Variants in LAMA1 observed in about 807,000 individuals in gnomAD.
LAMA1 encodes laminin subunit alpha 1.
LAMA1 carries 219 observed loss-of-function variants against 348.7 expected under a neutral mutation model. That is an observed-to-expected ratio of 0.63 (90% CI 0.56 to 0.70). The LOEUF (loss-of-function observed/expected upper bound fraction) is 0.70. LAMA1 is among the 30% of genes least tolerant of loss of function. The pLI, the probability that LAMA1 is intolerant of heterozygous loss-of-function variation, is 0.00. For missense variants in LAMA1, 3,744 were observed against 3,888.0 expected (o/e 0.96, Z 0.99); for synonymous variants, 1,487 against 1,491.0 (o/e 1.00, Z 0.06).
At chr18:7,003,560 A>G (rs1057015241) in intron 29 of LAMA1, among the ~76,000 whole-genome samples, 9 of 152,278 alleles carry the variant, frequency 5.9e-5, no homozygotes, top group African/African-American at 1.9e-4. Context: ...GCCCGGCCAA[A>G]AAGGTACACA....
chr18:7,113,823 T>C (rs2058344918), intron 1 of LAMA1, among the ~76,000 whole-genome samples: 1 of 152,094 alleles, frequency 6.6e-6, no homozygotes, highest in Admixed American at 6.5e-5. Flanking sequence ...ACTCCTGTAA[T>C]ACCAACACTT....
In LAMA1 at chr18:7,015,852, T is replaced by A. The variant is rs1431377585; in HGVS notation, c.2996A>T (p.Asp999Val). Residue 999 changes from aspartate to valine, a missense_variant, in exon 22 of 63, where the codon GAC becomes GTC. Coordinates refer to ENST00000389658, the MANE Select transcript of LAMA1 (RefSeq NM_005559.4). ...GCAGGTATTCTGAGTGTGTGGGCAGTCACAGGCTGAAATAAAGATGAATGC... is the reference window on the plus strand; with the variant it reads ...GCAGGTATTCTGAGTGTGTGGGCAGACACAGGCTGAAATAAAGATGAATGC... ...AYQDGSCTPC[D>V]CPHTQNTCDP... 1.9e-6 allele frequency: 3 copies of A among 1,614,006 alleles called. No individual in the cohort carries two copies. The highest frequency in any genetic ancestry group is 1.3e-5 in the African/African-American group (1 of 74,908).
Position 7,043,349 on chromosome 18 carries a change from G to A in LAMA1, c.1033C>T (p.Gln345Ter). Residue 345 changes from glutamine (Q) to a stop codon, truncating the protein, a stop_gained, in exon 8 of 63, where the codon CAG becomes TAG. Transcript: ENST00000389658. LOFTEE classifies it high-confidence loss of function. ...DCYYDESVAK[Q>*]KKSLNTAGQF... is the part of the protein sequence containing the mutation. ...CCAGCAGTATTCAAACTTTTCTTCTGCTTTGCAACACTTTCATCATAGTAA... is the reference window on the plus strand; with the variant it reads ...CCAGCAGTATTCAAACTTTTCTTCTACTTTGCAACACTTTCATCATAGTAA... The A allele has an allele frequency of 6.2e-7, 1 of 1,613,964 alleles. No homozygotes were observed. The highest frequency in any genetic ancestry group is 8.5e-7 in the Non-Finnish European group (1 of 1,180,002).
At position 7,074,223 on chromosome 18, in the gene LAMA1, C is replaced by T. The variant is rs549371609; in HGVS notation, c.345+5752G>A. On this transcript the variant is annotated intron_variant, in intron 3 of 62. Transcript: ENST00000389658. ...TCCATTTTCTTCACATCCTCACCAACACTTATTATTTTCCAACTCTTTCAA... is the reference window on the plus strand; with the variant it reads ...TCCATTTTCTTCACATCCTCACCAATACTTATTATTTTCCAACTCTTTCAA... Among the ~76,000 whole-genome samples the T allele has an allele frequency of 2.6e-5, 4 of 152,274 alleles. No homozygotes were observed. In the South Asian group the frequency reaches 6.2e-4, roughly 24 times the overall value.
At chr18:7,097,220 C>T (rs1243601327) in intron 1 of LAMA1, among the ~76,000 whole-genome samples, 1 of 151,538 alleles carries the variant, frequency 6.6e-6, no homozygotes. Flanking sequence ...GCTGGATCAG[C>T]TCTCCATCCA....
intron 1 of LAMA1, among the ~76,000 whole-genome samples, chr18:7,097,923 T>A (rs1223233117): frequency 6.6e-6 from 1 of 150,854 alleles, no homozygotes; most frequent in Non-Finnish European, 1.5e-5. Context: ...GAAGCTGGAC[T>A]GCACTGCTGC....
intron 22 of LAMA1, among the ~76,000 whole-genome samples, chr18:7,014,575 G>T (rs113751483): frequency 3.3e-5 from 3 of 91,194 alleles, no homozygotes; most frequent in Middle Eastern, 6.4e-3. Flanking sequence ...TGAGCTTTGA[G>T]GATACAGTGA....
rs1478205540 is a variant in LAMA1, at chr18:6,950,925, T to C, written c.8254A>G (p.Ile2752Val). 6.2e-7 allele frequency: 1 copy of C among 1,614,096 alleles called. No homozygotes were observed. The highest frequency in any genetic ancestry group is 1.3e-5 in the African/African-American group (1 of 75,026). The change falls in exon 58 of 63, where the codon ATT (isoleucine) becomes GTT (valine). Residue 2752 changes from isoleucine (I) to valine (V), a missense_variant. Physicochemically the swap from Ile to Val is conservative, Grantham distance 29 (BLOSUM62 3). Coordinates refer to ENST00000389658, the MANE Select transcript of LAMA1 (RefSeq NM_005559.4). ...TGGTTCTGATGAGCCATGTAGTAAA[T>C]CAGGCCGCTGGAGGCGAACGTGCGG... ...SIRTFASSGL[I>V]YYMAHQNQAD...
At chr18:7,069,765 G>A (rs2058138326) in intron 3 of LAMA1, among the ~76,000 whole-genome samples, 1 of 151,998 alleles carries the variant, frequency 6.6e-6, no homozygotes, top group African/African-American at 2.4e-5. Flanking sequence ...CCTTCTCCCA[G>A]CTGGTCTGGC....
intron 5 of LAMA1, 112 bp from the exon 6 acceptor site, chr18:7,046,479 T>A (rs997542835): frequency 4.7e-6 from 3 of 633,624 alleles, no homozygotes; most frequent in Non-Finnish European, 8.5e-6. Flanking sequence ...ATTGGTAATC[T>A]AAAATATAAT....
At chr18:6,952,291 G>A (rs2057550421) in intron 57 of LAMA1, among the ~76,000 whole-genome samples, 1 of 152,200 alleles carries the variant, frequency 6.6e-6, no homozygotes, top group Non-Finnish European at 1.5e-5. Flanking sequence ...AGGGGGCTCC[G>A]CACCATGTAG....
chr18:7,110,378 T>C (rs1230202591), intron 1 of LAMA1, among the ~76,000 whole-genome samples: 1 of 152,022 alleles, frequency 6.6e-6, no homozygotes, highest in Non-Finnish European at 1.5e-5. Flanking sequence ...AAATGAAGCC[T>C]AGGTAACCAA....
rs936980138 is a variant in LAMA1 at position 6,971,970 on chromosome 18, A to C, written c.6786T>G (p.Ala2262=). The C allele has an allele frequency of 6.2e-7, 1 of 1,614,106 alleles. No homozygotes were observed. The highest frequency in any genetic ancestry group is 1.7e-5 in the Admixed American group (1 of 60,022). The change falls in exon 48 of 63, where the codon GCT becomes GCG. Residue 2262 remains alanine (A), a synonymous_variant. Transcript: ENST00000389658. ...AGCCTTTAAAATGAGTAACCTTCAC[A>C]GCAGGAGATTTCTAATGCAAACAAG... is the stretch of plus-strand genomic sequence containing the variant. The part of the protein sequence containing the change: ...GLGGQIKKSP[A]VKVTHFKGCL...
chr18:7,096,845 T>G (rs1290465049), intron 1 of LAMA1, among the ~76,000 whole-genome samples: 4 of 152,170 alleles, frequency 2.6e-5, no homozygotes, highest in African/African-American at 9.7e-5. Context: ...AACAACAAAC[T>G]GGCAAGCTTT....
At chr18:7,105,466 AAAT>A (rs1345170846) in intron 1 of LAMA1, among the ~76,000 whole-genome samples, 1 of 147,178 alleles carries the variant, frequency 6.8e-6, no homozygotes, top group Non-Finnish European at 1.5e-5. Context: ...ATAAATAAAT[AAAT>A]AAATAAATAA....
chr18:7,081,758 A>G (rs1024420352), intron 1 of LAMA1, among the ~76,000 whole-genome samples: 1 of 152,228 alleles, frequency 6.6e-6, no homozygotes, highest in African/African-American at 2.4e-5. Context: ...AGGCATGGAC[A>G]CTGAGCTGAG....
intron 48 of LAMA1, among the ~76,000 whole-genome samples, chr18:6,969,435 T>C (rs1341648503): frequency 2.0e-5 from 3 of 152,216 alleles, no homozygotes; most frequent in African/African-American, 4.8e-5. Context: ...AGCATATTAA[T>C]GCTAATTAAA....
In LAMA1 at chr18:6,943,223, G is replaced by A. The variant is rs1434653335; in HGVS notation, c.9024C>T (p.Thr3008=). 4 of 1,614,222 alleles carry A rather than the reference G, an allele frequency of 2.5e-6. No homozygotes were observed. Among genetic ancestry groups the A allele is most frequent in the Admixed American group, 1.7e-5 (1 of 60,026 alleles). Residue 3008 remains threonine (T), a synonymous_variant, in exon 62 of 63, where the codon ACC becomes ACT. Coordinates refer to ENST00000389658, the MANE Select transcript of LAMA1 (RefSeq NM_005559.4). The part of the protein sequence containing the change: ...VGAESPHTQS[T]SVDTNNPIYV... ...AAATGGGATTGTTGGTGTCCACTGA[G>A]GTAGACTGGGTGTGTGGACTTTCAG...
intron 61 of LAMA1, among the ~76,000 whole-genome samples, chr18:6,944,141 G>A (rs901922293): frequency 3.9e-5 from 6 of 152,104 alleles, no homozygotes; most frequent in Middle Eastern, 3.4e-3. Flanking sequence ...TCAGCCTCCC[G>A]CATAGCTGGG....
Sources: allele counts gnomAD v4.1 joint callset (sites outside exome capture counted in the v4.1 genomes callset), GRCh38; gene constraint gnomAD v4.1.1; transcripts MANE v1.5; gene names NCBI Gene and HGNC (gene_info 2026-07-23, HGNC 2026-07-21).